Variants in DCC observed in about 807,000 individuals in gnomAD.
DCC encodes the protein netrin receptor DCC.
In DCC, 58 loss-of-function variants were observed where a neutral mutation model predicts 172.5. That is an observed-to-expected ratio of 0.34 (90% CI 0.27 to 0.42). The LOEUF (loss-of-function observed/expected upper bound fraction) is 0.42. DCC is among the 10% of genes least tolerant of loss of function. DCC has a pLI of 1.00. For missense variants in DCC, 1,740 were observed against 1,791.0 expected (o/e 0.97, Z 0.51); for synonymous variants, 709 against 644.5 (o/e 1.10, Z -1.52).
rs374507493 is a variant in DCC at position 52,562,453 on chromosome 18, TCTTA to T, written c.92-189597_92-189594del. On this transcript the variant is annotated intron_variant, in intron 1 of 28. Coordinates refer to ENST00000442544, the MANE Select transcript of DCC (RefSeq NM_005215.4). ...TAGATGACTTGTATCAAACCACTGT[TCTTA>T]CTTTATTTAGCCACATAGAGTTTGT... Among the ~76,000 whole-genome samples, 10 of 152,280 alleles carry T rather than the reference TCTTA, an allele frequency of 6.6e-5. No individual in the cohort carries two copies. In the South Asian group the frequency reaches 2.1e-3, roughly 32 times the overall value.
chr18:53,267,536 G>A lies in DCC; in HGVS notation c.1912-38042G>A, dbSNP rs368665006. On this transcript the variant is annotated intron_variant, in intron 12 of 28. Coordinates refer to ENST00000442544, the MANE Select transcript of DCC (RefSeq NM_005215.4). ...TCTCTGTCACCCAGGGTAGAATGCAGTGGTGCAAACACTGCTTACTGCAGC... is the reference window on the plus strand; with the variant it reads ...TCTCTGTCACCCAGGGTAGAATGCAATGGTGCAAACACTGCTTACTGCAGC... 8.5e-4 allele frequency among the ~76,000 whole-genome samples: 130 copies of A among 152,124 alleles called. 1 individual carries two copies. The highest frequency in any genetic ancestry group is 2.7e-3 in the African/African-American group (114 of 41,504).
rs991824161 is a variant in DCC at position 52,990,276 on chromosome 18, C to T, written c.985+64906C>T. On this transcript the variant is annotated intron_variant, in intron 5 of 28. Transcript: ENST00000442544. Reference sequence around the variant, plus strand: ...AGCAAAGCGGGCAGGCGCAGTGGCTCACGCCTGTAATCCCAGCACTTTGGG... The same window carrying T: ...AGCAAAGCGGGCAGGCGCAGTGGCTTACGCCTGTAATCCCAGCACTTTGGG... Among the ~76,000 whole-genome samples, 12 of 152,192 alleles carry T rather than the reference C, an allele frequency of 7.9e-5. No homozygotes were observed. The East Asian group carries it at 1.4e-3, about 17-fold the overall frequency.
chr18:52,443,034 T>C (rs778515816), intron 1 of DCC, among the ~76,000 whole-genome samples: 21 of 151,524 alleles, frequency 1.4e-4, no homozygotes, highest in Non-Finnish European at 1.9e-4. Context: ...AGTTGAAAAA[T>C]CAGAACTTCA....
At chr18:53,037,884 G>T (rs1227829087) in intron 5 of DCC, among the ~76,000 whole-genome samples, 2 of 151,946 alleles carry the variant, frequency 1.3e-5, no homozygotes, top group East Asian at 2.0e-4. Flanking sequence ...CTGTGAAAAT[G>T]TTCTATAATG....
At chr18:53,095,816 T>C (rs1599128834) in intron 7 of DCC, among the ~76,000 whole-genome samples, 1 of 102,732 alleles carries the variant, frequency 9.7e-6, no homozygotes, top group African/African-American at 4.2e-5. Flanking sequence ...TTTTGGAGGG[T>C]ATGGGGTTTT....
chr18:52,719,201 A>ATTTCATCC (rs71175518), intron 1 of DCC, among the ~76,000 whole-genome samples: 51,827 of 151,368 alleles, frequency 0.34, 9,887 homozygotes, highest in East Asian at 0.47. Context: ...ACACAGGATG[A>ATTTCATCC]TTTCATCCTG....
At chr18:52,470,180 A>T (rs1988906684) in intron 1 of DCC, among the ~76,000 whole-genome samples, 1 of 152,204 alleles carries the variant, frequency 6.6e-6, no homozygotes, top group South Asian at 2.1e-4. Context: ...ATAACCAGGG[A>T]TTTGACAGAC....
rs1044648426 is a variant in DCC, at chr18:52,505,550, A to G, written c.91+164672A>G. On this transcript the variant is annotated intron_variant, in intron 1 of 28. Coordinates refer to ENST00000442544, the MANE Select transcript of DCC (RefSeq NM_005215.4). ...AGTTATATATATATACACACATACA[A>G]TATCAGAGGAATTTAGATTATTTAA... 2.0e-5 allele frequency among the ~76,000 whole-genome samples: 3 copies of G among 152,182 alleles called. No individual in the cohort carries two copies. The East Asian group carries it at 5.8e-4, about 29-fold the overall frequency.
Position 52,453,129 on chromosome 18 carries a change from T to C in DCC, c.91+112251T>C, listed in dbSNP as rs16955028. 3.7e-3 allele frequency among the ~76,000 whole-genome samples: 561 copies of C among 152,304 alleles called. 4 individuals carry two copies. Among genetic ancestry groups the C allele is most frequent in the African/African-American group, 0.013 (535 of 41,578 alleles). On this transcript the variant is annotated intron_variant, in intron 1 of 28. Coordinates refer to ENST00000442544, the MANE Select transcript of DCC (RefSeq NM_005215.4). ...CCTCTCTATCACCAAAACATATAGC[T>C]ACCCTCAAATAAAAGAGCAGCTAAG...
chr18:52,450,099 C>T (rs1988254601), intron 1 of DCC, among the ~76,000 whole-genome samples: 1 of 152,150 alleles, frequency 6.6e-6, no homozygotes, highest in Non-Finnish European at 1.5e-5. Context: ...GGAAATAAGC[C>T]TGTCTCAAAC....
rs1047714752 is a variant in DCC, at chr18:52,389,839, C to T, written c.91+48961C>T. ...CCTTCTTTCATGAAAGTCTGGCATA[C>T]AGTGTATATCTAATTGATTATTGTT... On this transcript the variant is annotated intron_variant, in intron 1 of 28. Transcript: ENST00000442544. Among the ~76,000 whole-genome samples, 4 of 152,034 alleles carry T rather than the reference C, an allele frequency of 2.6e-5. No homozygotes were observed. In the South Asian group the frequency reaches 8.3e-4, roughly 31 times the overall value.
chr18:53,009,667 T>C (rs2041699527), intron 5 of DCC, among the ~76,000 whole-genome samples: 1 of 151,966 alleles, frequency 6.6e-6, no homozygotes, highest in Non-Finnish European at 1.5e-5. Flanking sequence ...TCATATATGT[T>C]AGTAACAAGA....
intron 15 of DCC, among the ~76,000 whole-genome samples, chr18:53,361,271 G>T (rs563780239): frequency 1.3e-5 from 2 of 152,192 alleles, no homozygotes; most frequent in East Asian, 1.9e-4. Flanking sequence ...GTGAAGAAAC[G>T]ATTTTTGTTG....
chr18:53,346,438 A>G (rs1458070446), intron 15 of DCC, among the ~76,000 whole-genome samples: 3 of 152,126 alleles, frequency 2.0e-5, no homozygotes, highest in Non-Finnish European at 4.4e-5. Flanking sequence ...ATTTTATCTT[A>G]TACATTCTCA....
At chr18:53,265,399 G>A (rs1035900876) in intron 12 of DCC, among the ~76,000 whole-genome samples, 1 of 152,150 alleles carries the variant, frequency 6.6e-6, no homozygotes, top group East Asian at 1.9e-4. Flanking sequence ...ATGCATTGGA[G>A]AAACACTCCA....
intron 2 of DCC, among the ~76,000 whole-genome samples, chr18:52,793,756 T>C (rs956121559): frequency 6.6e-6 from 1 of 152,218 alleles, no homozygotes; most frequent in African/African-American, 2.4e-5. Flanking sequence ...CTTCCAGTAG[T>C]TCTATGTTTT....
chr18:53,179,223 GT>G (rs1270651550), intron 9 of DCC, 107 bp downstream of exon 9: 54 of 1,128,026 alleles, frequency 4.8e-5, no homozygotes, highest in African/African-American at 6.2e-5. Context: ...GCGAAGAAGA[GT>G]TTTTTTTCTT....
At chr18:52,704,671 C>T (rs1307045149) in intron 1 of DCC, among the ~76,000 whole-genome samples, 1 of 152,220 alleles carries the variant, frequency 6.6e-6, no homozygotes, top group Non-Finnish European at 1.5e-5. Context: ...GCCATCAAGT[C>T]AGGATTGCAG....
intron 1 of DCC, among the ~76,000 whole-genome samples, chr18:52,496,414 T>C (rs2030752420): frequency 6.6e-6 from 1 of 152,164 alleles, no homozygotes; most frequent in African/African-American, 2.4e-5. Flanking sequence ...GCTAGTTTTA[T>C]ATGTGGGTTG....
Sources: gnomAD v4.1 joint callset for allele counts (sites outside exome capture counted in the v4.1 genomes callset) on GRCh38, gnomAD v4.1.1 for gene constraint, MANE v1.5 for transcripts, NCBI Gene and HGNC (gene_info 2026-07-23, HGNC 2026-07-21) for gene names.